The following NCR3LG1 variants were observed in gnomAD, a reference collection of about 807,000 sequenced individuals.
NCR3LG1 encodes the protein natural killer cell cytotoxicity receptor 3 ligand 1, also known as natural cytotoxicity triggering receptor 3 ligand 1.
A neutral mutation model predicts 34.8 loss-of-function variants in NCR3LG1; 35 were observed. The ratio of observed to expected loss-of-function variants is 1.01; its 90% CI spans 0.77 to 1.33. The LOEUF is 1.33. Among genes scored for constraint, NCR3LG1 ranks in the 40% most tolerant of loss-of-function variants. NCR3LG1 has a pLI of 0.00. For synonymous variants in NCR3LG1, 173 were observed against 163.6 expected (o/e 1.06, Z -0.44); for missense variants, 452 against 423.3 (o/e 1.07, Z -0.60).
intron 2 of NCR3LG1, 81 bp downstream of exon 2, chr11:17,357,082 C>T: frequency 4.4e-6 from 4 of 904,928 alleles, no homozygotes; most frequent in Non-Finnish European, 6.5e-6. Flanking sequence ...TCTTTGAGCT[C>T]CACTTTCCTG....
chr11:17,355,914 C>T (rs572215182), intron 1 of NCR3LG1, among the ~76,000 whole-genome samples: 24 of 152,242 alleles, frequency 1.6e-4, no homozygotes, highest in Non-Finnish European at 2.9e-4. Context: ...CCTCTCACCT[C>T]AGCCTCCCAA....
intron 2 of NCR3LG1, among the ~76,000 whole-genome samples, chr11:17,361,434 T>C (rs1012089532): frequency 6.6e-6 from 1 of 151,966 alleles, no homozygotes; most frequent in African/African-American, 2.4e-5. Context: ...ATTACGGGCA[T>C]GCGCCACCAC....
intron 2 of NCR3LG1, among the ~76,000 whole-genome samples, 152 bp from the exon 3 acceptor site, chr11:17,366,857 T>A (rs567818199): frequency 7.0e-4 from 106 of 152,344 alleles, no homozygotes; most frequent in African/African-American, 2.5e-3. Flanking sequence ...GCAGCATTTT[T>A]AAAGAGTAGG....
intron 4 of NCR3LG1, among the ~76,000 whole-genome samples, chr11:17,369,963 G>A (rs1953388808): frequency 6.6e-6 from 1 of 152,104 alleles, no homozygotes. Flanking sequence ...TTGTACAGGG[G>A]GGCTTGCCTA....
downstream of NCR3LG1, among the ~76,000 whole-genome samples, chr11:17,380,467 GTAAT>G (rs1417025125): frequency 6.6e-6 from 1 of 151,980 alleles, no homozygotes; most frequent in African/African-American, 2.4e-5. Context: ...CATTGGGTGA[GTAAT>G]TATTATTTGT....
At chr11:17,359,663 C>T (rs1953249414) in intron 2 of NCR3LG1, among the ~76,000 whole-genome samples, 1 of 151,934 alleles carries the variant, frequency 6.6e-6, no homozygotes, top group African/African-American at 2.4e-5. Context: ...AGGTGCCCGC[C>T]ACCACGCCTG....
Position 17,376,867 on chromosome 11 carries a change from T to C in NCR3LG1, c.*4355T>C, listed in dbSNP as rs1953482184. 6.6e-6 allele frequency: 1 copy of C among 152,096 alleles called. No individual in the cohort carries two copies. Among genetic ancestry groups the C allele is most frequent in the Admixed American group, 6.6e-5 (1 of 15,264 alleles). 9.4% of individuals were successfully genotyped at this position (152,096 alleles called of 1,614,324 possible). On this transcript the variant is annotated 3_prime_UTR_variant, in exon 5 of 5. Transcript: ENST00000338965. ...TTTGGAGAAAAAGACATAAGAAGGA[T>C]GATCTAAGAAAATTGGAAGCCATAT...
chr11:17,381,128 C>A (rs1255404606), downstream of NCR3LG1: 2 of 152,198 alleles, frequency 1.3e-5, no homozygotes, highest in Admixed American at 6.5e-5. Flanking sequence ...GGCCTTCCCC[C>A]CTACAGCCTC....
intron 2 of NCR3LG1, among the ~76,000 whole-genome samples, chr11:17,362,637 C>CTTCT (rs1554898364): frequency 3.0e-5 from 3 of 101,616 alleles, no homozygotes; most frequent in Admixed American, 2.8e-4. Flanking sequence ...TTTTCTTCTT[C>CTTCT]TTTTTTTTTT....
At chr11:17,359,032 ATCTTGTATATTTCCTC>A (rs2133345122) in intron 2 of NCR3LG1, among the ~76,000 whole-genome samples, 1 of 152,262 alleles carries the variant, frequency 6.6e-6, no homozygotes, top group South Asian at 2.1e-4. Context: ...CTCCAGACTC[ATCTTGTATATTTCCTC>A]TCTTGTATAT....
At position 17,376,697 on chromosome 11, in the gene NCR3LG1, G is replaced by A. The variant is rs1953480448; in HGVS notation, c.*4185G>A. ...GGTGCCAGAAAACACTTTCCCCAAA[G>A]ATAAGCCTCACACCCTCAGGCTAGG... is the stretch of plus-strand genomic sequence containing the variant. On this transcript the variant is annotated 3_prime_UTR_variant, in exon 5 of 5. Transcript: ENST00000338965. 6.6e-6 allele frequency: 1 copy of A among 152,160 alleles called. No individual in the cohort carries two copies. The highest frequency in any genetic ancestry group is 6.5e-5 in the Admixed American group (1 of 15,280). The allele number at this position is 152,160 out of a possible 1,614,324, so 9.4% of individuals were successfully genotyped here.
downstream of NCR3LG1, among the ~76,000 whole-genome samples, chr11:17,380,052 G>T (rs74736801): frequency 2.1e-3 from 316 of 152,310 alleles, no homozygotes; most frequent in Non-Finnish European, 4.0e-3. Flanking sequence ...GGGAGCTGAT[G>T]CTGGAATACT....
intron 2 of NCR3LG1, among the ~76,000 whole-genome samples, chr11:17,363,407 C>G (rs1251033468): frequency 6.6e-6 from 1 of 152,034 alleles, no homozygotes. Flanking sequence ...TCTCTCCTTG[C>G]TTGCATTGTT....
chr11:17,378,863 C>T (rs1232708976), downstream of NCR3LG1, among the ~76,000 whole-genome samples: 1 of 152,214 alleles, frequency 6.6e-6, no homozygotes, highest in East Asian at 1.9e-4. Context: ...AAAGACTACA[C>T]AGGAGACTTG....
chr11:17,380,539 G>A (rs1953508172), downstream of NCR3LG1: 2 of 152,000 alleles, frequency 1.3e-5, no homozygotes, highest in African/African-American at 4.8e-5. Context: ...AGGCCAGAGT[G>A]CAGTGGCACA....
intron 1 of NCR3LG1, among the ~76,000 whole-genome samples, chr11:17,354,779 G>A (rs962795728): frequency 1.1e-4 from 17 of 151,876 alleles, no homozygotes; most frequent in African/African-American, 3.9e-4. Flanking sequence ...TTTCCCTAAT[G>A]TATTATTTTA....
At chr11:17,370,729 A>T (rs1213882003) in intron 4 of NCR3LG1, among the ~76,000 whole-genome samples, 5 of 152,268 alleles carry the variant, frequency 3.3e-5, no homozygotes, top group East Asian at 1.9e-4. Context: ...AGGTCCCTGG[A>T]CTAACTCCAG....
chr11:17,370,964 CAG>C (rs1193027362), intron 4 of NCR3LG1, among the ~76,000 whole-genome samples: 1 of 152,160 alleles, frequency 6.6e-6, no homozygotes, highest in Non-Finnish European at 1.5e-5. Flanking sequence ...TTCCTTGAGA[CAG>C]GGGGACTTCA....
downstream of NCR3LG1, among the ~76,000 whole-genome samples, chr11:17,378,435 G>A (rs568458995): frequency 6.6e-6 from 1 of 152,240 alleles, no homozygotes; most frequent in African/African-American, 2.4e-5. Context: ...TTGTACTAAT[G>A]TTTGGACTTT....
Sources: allele counts gnomAD v4.1 joint callset (sites outside exome capture counted in the v4.1 genomes callset), GRCh38; gene constraint gnomAD v4.1.1; transcripts MANE v1.5; gene names NCBI Gene and HGNC (gene_info 2026-07-23, HGNC 2026-07-21).